Variants in GPC2 observed in about 807,000 individuals in gnomAD.
GPC2 encodes the protein glypican 2.
A neutral mutation model predicts 57.3 loss-of-function variants in GPC2; 42 were observed. The observed-to-expected ratio is 0.73, with a 90% CI of 0.57 to 0.95. The LOEUF is 0.95. Ranked by LOEUF, GPC2 falls within the 40% of genes least tolerant of loss-of-function variation. GPC2 has a pLI of 0.00. For missense variants in GPC2, 745 were observed against 793.6 expected (o/e 0.94, Z 0.74); for synonymous variants, 364 against 343.4 (o/e 1.06, Z -0.66).
Position 100,177,053 on chromosome 7 carries a change from G to C in GPC2, c.147C>G (p.Ile49Met). 6.2e-7 allele frequency: 1 copy of C among 1,609,710 alleles called. No homozygotes were observed. The highest frequency in any genetic ancestry group is 8.5e-7 in the Non-Finnish European group (1 of 1,178,252). Residue 49 changes from isoleucine to methionine, a missense_variant, in exon 1 of 10, where the codon ATC becomes ATG. Around this residue, in one of 2 missense-constraint regions of GPC2, gnomAD observed 138 missense variants for 189.8 expected, o/e 0.73. Coordinates refer to ENST00000292377, the MANE Select transcript of GPC2 (RefSeq NM_152742.3). ...CCTCACCTGAGATCAGGGCGGGAGGGATTAGGTTTAAGCTATATCCCCGGG... is the reference window on the plus strand; with the variant it reads ...CCTCACCTGAGATCAGGGCGGGAGGCATTAGGTTTAAGCTATATCCCCGGG... ...LGARGYSLNL[I>M]PPALISGEHL...
At chr7:100,174,592 C>CAGACA (rs1799237488) in intron 4 of GPC2, 93 bp downstream of exon 4, 2 of 910,254 alleles carry the variant, frequency 2.2e-6, no homozygotes, top group Non-Finnish European at 3.6e-6. Context: ...CAAGGCCTGT[C>CAGACA]CTGCTGGCTG....
chr7:100,172,095 A>T lies in GPC2; in HGVS notation c.1015T>A (p.Ser339Thr), dbSNP rs371115916. The change falls in exon 6 of 10, where the codon TCC becomes ACC. Residue 339 changes from serine (S) to threonine (T), a missense_variant. This residue lies in a region of GPC2 where 607 missense variants were observed against 603.9 expected (regional missense o/e 1.01). Coordinates refer to ENST00000292377, the MANE Select transcript of GPC2 (RefSeq NM_152742.3). ...MYLQENSAKV[S>T]AQVFQECGPP... Reference sequence around the variant, plus strand: ...CCTTCTCTCCCCTGTACCTGGGCGGACACCTTCGCACTGTTTTCCTGCAGG... The same window carrying T: ...CCTTCTCTCCCCTGTACCTGGGCGGTCACCTTCGCACTGTTTTCCTGCAGG... The T allele has an allele frequency of 6.2e-7, 1 of 1,613,810 alleles. No homozygotes were observed. Among genetic ancestry groups the T allele is most frequent in the Non-Finnish European group, 8.5e-7 (1 of 1,179,908 alleles).
chr7:100,171,744 C>T lies in GPC2; in HGVS notation c.1170+35G>A, dbSNP rs775944711. The T allele has an allele frequency of 2.0e-5, 30 of 1,472,756 alleles. No individual in the cohort carries two copies. The highest frequency in any genetic ancestry group is 6.9e-5 in the Admixed American group (3 of 43,692). The allele number at this position is 1,472,756 out of a possible 1,614,324, so 91.2% of individuals were successfully genotyped here. ...CCCCACAACCATCCCCGGCCCCGGG[C>T]CCCCCCGCCCCCAACTCTTGGTCAT... is the stretch of plus-strand genomic sequence containing the variant. On this transcript the variant is annotated intron_variant, in intron 7 of 9. Transcript: ENST00000292377. This position sits in a 1 kb window ranked among gnomAD's most constrained non-coding sequence, Gnocchi z 4.8.
intron 5 of GPC2, among the ~76,000 whole-genome samples, chr7:100,172,712 TATATATACAC>T (rs1799203068): frequency 1.4e-5 from 2 of 147,240 alleles, no homozygotes; most frequent in East Asian, 2.0e-4. Context: ...TATATATATG[TATATATACAC>T]GTATATATAT....
intron 5 of GPC2, chr7:100,173,632 C>G: frequency 2.4e-6 from 1 of 415,024 alleles, no homozygotes. Flanking sequence ...TTCCTTCCTT[C>G]TTTCCTTCTT....
chr7:100,172,193 T>C lies in GPC2; in HGVS notation c.917A>G (p.Lys306Arg). 1 of 1,613,870 alleles carries C rather than the reference T, an allele frequency of 6.2e-7. No homozygotes were observed. Among genetic ancestry groups the C allele is most frequent in the Non-Finnish European group, 8.5e-7 (1 of 1,179,968 alleles). Residue 306 changes from lysine (K) to arginine (R), a missense_variant, in exon 6 of 10, where the codon AAG becomes AGG. Lys to Arg is a conservative substitution (Grantham distance 26, BLOSUM62 2). Around this residue, in one of 2 missense-constraint regions of GPC2, gnomAD observed 607 missense variants for 603.9 expected, o/e 1.01. Transcript: ENST00000292377. ...YLDGLLILAD[K>R]LQGPFSFELT... ...CTCAAAGGAAAAGGGGCCCTGGAGCTTATCAGCCAGGATCAGGAGACCATC... is the reference window on the plus strand; with the variant it reads ...CTCAAAGGAAAAGGGGCCCTGGAGCCTATCAGCCAGGATCAGGAGACCATC...
At chr7:100,175,420 T>C in intron 3 of GPC2, 152 bp downstream of exon 3, 1 of 648,014 alleles carries the variant, frequency 1.5e-6, no homozygotes, top group Non-Finnish European at 2.7e-6. Flanking sequence ...AAGCTCAGGA[T>C]AGGGATCACC....
At chr7:100,170,661 GGA>G (rs998288298) in intron 9 of GPC2, among the ~76,000 whole-genome samples, 178 bp from the exon 10 acceptor site, 9 of 151,796 alleles carry the variant, frequency 5.9e-5, no homozygotes, top group Admixed American at 3.9e-4. Context: ...AGAGAAGGAA[GGA>G]GAGAGATCCG....
Position 100,176,436 on chromosome 7 carries a change from C to T in GPC2, c.167-71G>A. 2.1e-6 allele frequency: 3 copies of T among 1,437,460 alleles called. No homozygotes were observed. In the South Asian group the frequency reaches 3.7e-5, roughly 18 times the overall value. 89.0% of individuals were successfully genotyped at this position (1,437,460 alleles called of 1,614,324 possible). On this transcript the variant is annotated intron_variant, in intron 1 of 9. Transcript: ENST00000292377. ...AATCCCTTCCATTTCCCGCCTATCT[C>T]TGGGGACTATGCCTTCTCTTCTACC... is the stretch of plus-strand genomic sequence containing the variant.
Position 100,175,739 on chromosome 7 carries a change from C to T in GPC2, c.481G>A (p.Asp161Asn). 10 of 1,614,138 alleles carry T rather than the reference C, an allele frequency of 6.2e-6. No individual in the cohort carries two copies. The highest frequency in any genetic ancestry group is 7.6e-6 in the Non-Finnish European group (9 of 1,180,036). ...TGTGCCCAGAAATCCGCCAGGGTGT[C>T]ATCCAACCCCTCACCAGATTCCCCA... ...FYGESGEGLD[D>N]TLADFWAQLL... The change falls in exon 3 of 10, where the codon GAC becomes AAC. Residue 161 changes from aspartate to asparagine, a missense_variant. Physicochemically the swap from Asp to Asn is conservative, Grantham distance 23. This residue lies in a region of GPC2 where 607 missense variants were observed against 603.9 expected (regional missense o/e 1.01). Coordinates refer to ENST00000292377, the MANE Select transcript of GPC2 (RefSeq NM_152742.3).
intron 5 of GPC2, chr7:100,173,585 C>G (rs1471822209): frequency 4.9e-5 from 13 of 266,198 alleles, no homozygotes; most frequent in Middle Eastern, 1.0e-3. Context: ...TGGCTGATTT[C>G]TTTCTTTTCT....
chr7:100,174,800 A>G, intron 3 of GPC2, 35 bp from the exon 4 acceptor site: 1 of 1,532,234 alleles, frequency 6.5e-7, no homozygotes, highest in Non-Finnish European at 9.0e-7. Context: ...AAAAACCACA[A>G]GGTTGTTATG....
chr7:100,176,604 G>T (rs958195180), intron 1 of GPC2, among the ~76,000 whole-genome samples: 7 of 152,144 alleles, frequency 4.6e-5, no homozygotes, highest in African/African-American at 1.7e-4. Context: ...CCAAGTCAGT[G>T]GTCAGAGTGT....
chr7:100,173,948 C>T lies in GPC2; in HGVS notation c.779G>A (p.Cys260Tyr), dbSNP rs761099376. ...CSQALMRLIG[C>Y]PLCRGVPSLM... ...TGAGGGGACCCCCCGGCACAGGGGACAGCCGATGAGACGCATCAGAGCCTG... is the reference window on the plus strand; with the variant it reads ...TGAGGGGACCCCCCGGCACAGGGGATAGCCGATGAGACGCATCAGAGCCTG... Residue 260 changes from cysteine (C) to tyrosine (Y), a missense_variant, in exon 5 of 10, where the codon TGT becomes TAT. Physicochemically the swap from Cys to Tyr is radical, Grantham distance 194. Around this residue, in one of 2 missense-constraint regions of GPC2, gnomAD observed 607 missense variants for 603.9 expected, o/e 1.01. Coordinates refer to ENST00000292377, the MANE Select transcript of GPC2 (RefSeq NM_152742.3). 5 of 1,601,296 alleles carry T rather than the reference C, an allele frequency of 3.1e-6. No homozygotes were observed. Among genetic ancestry groups the T allele is most frequent in the Non-Finnish European group, 4.3e-6 (5 of 1,174,238 alleles).
intron 5 of GPC2, among the ~76,000 whole-genome samples, chr7:100,172,464 G>GTTTTTTTTTTTTTTTT (rs1381396274): frequency 2.7e-5 from 4 of 149,512 alleles, no homozygotes; most frequent in Non-Finnish European, 3.0e-5. Flanking sequence ...AGGATTTTAG[G>GTTTTTTTTTTTTTTTT]ATTTTTTTTT....
intron 4 of GPC2, 54 bp downstream of exon 4, chr7:100,174,631 C>G (rs748563610): frequency 7.4e-7 from 1 of 1,349,744 alleles, no homozygotes; most frequent in Admixed American, 1.7e-5. Context: ...TGGGGTCTCT[C>G]TCACTTCCAC....
At chr7:100,172,831 A>AT (rs1331189838) in intron 5 of GPC2, among the ~76,000 whole-genome samples, 1 of 148,674 alleles carries the variant, frequency 6.7e-6, no homozygotes, top group East Asian at 2.0e-4. Flanking sequence ...GTATATATAT[A>AT]TATTTTTTTC....
At chr7:100,170,541 G>C (rs879908415) in intron 9 of GPC2, 58 bp from the exon 10 acceptor site, 1 of 1,374,038 alleles carries the variant, frequency 7.3e-7, no homozygotes, top group African/African-American at 1.5e-5. Context: ...GGAGACAGAG[G>C]GAGGAAAAGA....
intron 5 of GPC2, 82 bp downstream of exon 5, chr7:100,173,753 C>T (rs1365379580): frequency 1.0e-5 from 12 of 1,176,168 alleles, no homozygotes; most frequent in Middle Eastern, 2.1e-4. Flanking sequence ...TCAAGTGATC[C>T]TCCTGCCTCA....
Sources: gnomAD v4.1 joint callset for allele counts (sites outside exome capture counted in the v4.1 genomes callset) on GRCh38, gnomAD v4.1.1 for gene constraint, gnomAD v4.1.1 regional missense constraint, Gnocchi (gnomAD v3.1) non-coding constraint, MANE v1.5 for transcripts, NCBI Gene and HGNC (gene_info 2026-07-23, HGNC 2026-07-21) for gene names.